CRIM1: variants seen among roughly 807,000 people sequenced by gnomAD.
CRIM1 encodes the protein cysteine-rich motor neuron 1 protein.
A neutral mutation model predicts 116.4 loss-of-function variants in CRIM1; 32 were observed. The observed-to-expected ratio is 0.27, with a 90% confidence interval of 0.21 to 0.37. The LOEUF is 0.37. Ranked by LOEUF, CRIM1 falls within the 10% of genes least tolerant of loss-of-function variation. CRIM1 has a pLI of 1.00. For synonymous variants in CRIM1, 590 were observed against 509.2 expected, an observed-to-expected ratio of 1.16 and a Z score of -2.13; for missense variants, 1,331 against 1,354.8, an observed-to-expected ratio of 0.98 and a Z score of 0.28.
chr2:36,395,010 CTTT>C (rs772105466), intron 1 of CRIM1, among the ~76,000 whole-genome samples: 7 of 113,438 alleles, frequency 6.2e-5, no homozygotes, highest in Admixed American at 9.0e-5. Context: ...TTTGTACTGT[CTTT>C]TTTTTTTTTT....
At chr2:36,378,448 A>G in intron 1 of CRIM1, 1 of 469,976 alleles carries the variant, frequency 2.1e-6, no homozygotes, top group Non-Finnish European at 4.4e-6. Flanking sequence ...ATGCAACAGT[A>G]GGGAAAGGAG....
chr2:36,365,816 C>G (rs531676974), intron 1 of CRIM1, among the ~76,000 whole-genome samples: 2 of 151,008 alleles, frequency 1.3e-5, no homozygotes, highest in South Asian at 2.1e-4. Context: ...TCACTGCAAC[C>G]TCTGACTCCC....
At chr2:36,489,515 C>G (rs2125066092) in intron 7 of CRIM1, among the ~76,000 whole-genome samples, 1 of 152,264 alleles carries the variant, frequency 6.6e-6, no homozygotes, top group South Asian at 2.1e-4. Flanking sequence ...GGGTGTGTCC[C>G]ATAGTCCTGT....
At chr2:36,546,960 T>C (rs758302307) in intron 15 of CRIM1, 24 bp from the exon 16 acceptor site, 4 of 1,395,922 alleles carry the variant, frequency 2.9e-6, no homozygotes, top group Admixed American at 2.1e-5. Flanking sequence ...AGGTAATAAA[T>C]GCTTATAATT....
At chr2:36,543,980 T>C (rs552248504) in intron 14 of CRIM1, among the ~76,000 whole-genome samples, 8 of 152,288 alleles carry the variant, frequency 5.3e-5, no homozygotes, top group African/African-American at 1.7e-4. Flanking sequence ...TGCTAACATA[T>C]TTTATGTAAG....
At chr2:36,502,869 T>G (rs1681098480) in intron 8 of CRIM1, among the ~76,000 whole-genome samples, 1 of 152,206 alleles carries the variant, frequency 6.6e-6, no homozygotes, top group Non-Finnish European at 1.5e-5. Context: ...TTGGATATCA[T>G]TCTTGCCTGA....
At chr2:36,514,996 T>A (rs1473334693) in intron 11 of CRIM1, among the ~76,000 whole-genome samples, 1 of 152,202 alleles carries the variant, frequency 6.6e-6, no homozygotes, top group African/African-American at 2.4e-5. Context: ...ACTCTTTCCT[T>A]TTTTCCGATA....
Position 36,550,041 on chromosome 2 carries a change from A to ATGTGTGTGTGTGTGTGTG in CRIM1, c.*1349_*1366dup, listed in dbSNP as rs71396495. On this transcript the variant is annotated 3_prime_UTR_variant, in exon 17 of 17. Transcript: ENST00000280527. ...GAAAGATGTGTGTGTGAGAGTATGT[A>ATGTGTGTGTGTGTGTGTG]TGTGTGTGTGTGTGTGTGTGTGTGT... 43 of 146,454 alleles carry ATGTGTGTGTGTGTGTGTG rather than the reference A, an allele frequency of 2.9e-4. No homozygotes were observed. Among genetic ancestry groups the ATGTGTGTGTGTGTGTGTG allele is most frequent in the African/African-American group, 9.6e-4 (38 of 39,436 alleles). 9.1% of individuals were successfully genotyped at this position (146,454 alleles called of 1,614,324 possible).
At chr2:36,369,907 C>G (rs1189249457) in intron 1 of CRIM1, among the ~76,000 whole-genome samples, 1 of 152,136 alleles carries the variant, frequency 6.6e-6, no homozygotes, top group East Asian at 1.9e-4. Flanking sequence ...TGTATTTTTT[C>G]AGTTGCTGAG....
chr2:36,370,232 A>G (rs1442812909), intron 1 of CRIM1, among the ~76,000 whole-genome samples: 3 of 149,524 alleles, frequency 2.0e-5, no homozygotes, highest in Non-Finnish European at 4.4e-5. Context: ...GTATGCCATC[A>G]TTAAACAGTT....
At chr2:36,491,870 C>G (rs1680250700) in intron 7 of CRIM1, among the ~76,000 whole-genome samples, 1 of 152,006 alleles carries the variant, frequency 6.6e-6, no homozygotes, top group African/African-American at 2.4e-5. Context: ...AAATATAATT[C>G]CTATGAACAT....
Position 36,356,460 on chromosome 2 carries a change from G to T in CRIM1, c.168G>T (p.Val56=), listed in dbSNP as rs1414835981. ...CCAGGAACTGCCCGGGGAGCATCGT[G>T]CAGGGCGTCTGCGGCTGCTGCTACA... ...EEPRNCPGSI[V]QGVCGCCYTC... Residue 56 remains valine (V), a synonymous_variant, in exon 1 of 17, where the codon GTG becomes GTT. Transcript: ENST00000280527. This position sits in a 1 kb window ranked among gnomAD's most constrained non-coding sequence, Gnocchi z 4.3. 1.9e-6 allele frequency: 3 copies of T among 1,612,550 alleles called. No individual in the cohort carries two copies. The highest frequency in any genetic ancestry group is 2.5e-6 in the Non-Finnish European group (3 of 1,179,808).
At chr2:36,448,123 C>T (rs963997557) in intron 4 of CRIM1, among the ~76,000 whole-genome samples, 1 of 152,222 alleles carries the variant, frequency 6.6e-6, no homozygotes, top group South Asian at 2.1e-4. Context: ...ACTAGGTTTT[C>T]TCCCATCATA....
intron 2 of CRIM1, among the ~76,000 whole-genome samples, chr2:36,424,068 G>C (rs116315154): frequency 0.019 from 2,853 of 152,258 alleles, 71 homozygotes; most frequent in African/African-American, 0.063. Flanking sequence ...GCCTGCTGTG[G>C]TCTAGGCATT....
chr2:36,432,369 G>A (rs1275260594), intron 2 of CRIM1, among the ~76,000 whole-genome samples: 1 of 152,132 alleles, frequency 6.6e-6, no homozygotes, highest in Non-Finnish European at 1.5e-5. Context: ...TATGGTGTGT[G>A]AATATATAAA....
chr2:36,514,569 A>T (rs1370867858), intron 11 of CRIM1, among the ~76,000 whole-genome samples: 1 of 152,234 alleles, frequency 6.6e-6, no homozygotes, highest in Non-Finnish European at 1.5e-5. Flanking sequence ...TATGTCCACC[A>T]AAAGGCCTGG....
intron 1 of CRIM1, among the ~76,000 whole-genome samples, chr2:36,369,912 G>A (rs1017430140): frequency 6.6e-6 from 1 of 152,172 alleles, no homozygotes. Context: ...TTTTTCAGTT[G>A]CTGAGGGCAC....
At chr2:36,466,853 T>C (rs1252281356) in intron 5 of CRIM1, among the ~76,000 whole-genome samples, 2 of 152,220 alleles carry the variant, frequency 1.3e-5, no homozygotes, top group East Asian at 1.9e-4. Flanking sequence ...CCCCTGAAAA[T>C]ATCATCTCTA....
At chr2:36,413,390 T>C (rs1280711215) in intron 2 of CRIM1, among the ~76,000 whole-genome samples, 1 of 152,182 alleles carries the variant, frequency 6.6e-6, no homozygotes, top group African/African-American at 2.4e-5. Flanking sequence ...TATACTTTTT[T>C]GGCATAGTTA....
Sources: allele counts gnomAD v4.1 joint callset (sites outside exome capture counted in the v4.1 genomes callset), GRCh38; gene constraint gnomAD v4.1.1; non-coding constraint Gnocchi (gnomAD v3.1); transcripts MANE v1.5; gene names NCBI Gene and HGNC (gene_info 2026-07-23, HGNC 2026-07-21).